Variants in TRIM9 observed in about 807,000 individuals in gnomAD.
TRIM9 encodes the protein E3 ubiquitin-protein ligase TRIM9.
TRIM9 carries 26 observed loss-of-function variants against 78.3 expected under a neutral mutation model. The ratio of observed to expected loss-of-function variants is 0.33; its 90% CI spans 0.24 to 0.46. The LOEUF (loss-of-function observed/expected upper bound fraction) is 0.46. TRIM9 is among the 20% of genes least tolerant of loss of function. TRIM9 has a pLI of 1.00. For missense variants in TRIM9, 787 were observed against 1,036.4 expected (o/e 0.76, Z 3.30); for synonymous variants, 398 against 416.5 (o/e 0.96, Z 0.54).
In TRIM9 at chr14:50,979,392, C is replaced by T. The variant is rs754566075; in HGVS notation, c.2320G>A (p.Val774Met). 19 of 1,614,076 alleles carry T rather than the reference C, an allele frequency of 1.2e-5. No individual in the cohort carries two copies. The highest frequency in any genetic ancestry group is 1.1e-4 in the African/African-American group (8 of 74,934). Reference sequence around the variant, plus strand: ...CTCAGGGGCAGGGTGCTTACCTGCACGTTCCTGTTCAGGCTGACCGCAGGG... The same window carrying T: ...CTCAGGGGCAGGGTGCTTACCTGCATGTTCCTGTTCAGGCTGACCGCAGGG... Reference protein sequence around the residue: ...FFPAVSLNRNVQVTLHTGLPV... With the variant: ...FFPAVSLNRNMQVTLHTGLPV... The change falls in exon 12 of 13, where the codon GTG (valine) becomes ATG (methionine). Residue 774 changes from valine (V) to methionine (M), a missense_variant. Transcript: ENST00000684578.
chr14:51,039,478 C>T (rs2059415004), intron 1 of TRIM9, among the ~76,000 whole-genome samples: 1 of 152,168 alleles, frequency 6.6e-6, no homozygotes, highest in Non-Finnish European at 1.5e-5. Context: ...GCTAATGATA[C>T]ATGCAAAATG....
chr14:51,056,504 A>G (rs2060909392), intron 1 of TRIM9, among the ~76,000 whole-genome samples: 1 of 152,168 alleles, frequency 6.6e-6, no homozygotes, highest in Admixed American at 6.5e-5. Flanking sequence ...TCTCAAATAT[A>G]AAACCTGACA....
intron 3 of TRIM9, among the ~76,000 whole-genome samples, chr14:51,017,785 T>G (rs142129131): frequency 6.6e-6 from 1 of 152,212 alleles, no homozygotes; most frequent in South Asian, 2.1e-4. Flanking sequence ...CTGACTTTGA[T>G]TGGCATTGCC....
Position 50,977,337 on chromosome 14 carries a change from C to T in TRIM9, c.2342G>A (p.Gly781Glu). The change falls in exon 13 of 13, where the codon GGG becomes GAG. Residue 781 changes from glycine (G) to glutamate (E), a missense_variant. Coordinates refer to ENST00000684578, the MANE Select transcript of TRIM9 (RefSeq NM_001387360.1). The stretch of plus-strand genomic sequence containing the variant: ...GGAGTAGAAGTCGGGGACTGGGAGC[C>T]CGGTGTGCAGCGTGACCTGGGGAAT... Reference protein sequence around the residue: ...NRNVQVTLHTGLPVPDFYSSR... With the variant: ...NRNVQVTLHTELPVPDFYSSR... 1 of 1,551,066 alleles carries T rather than the reference C, an allele frequency of 6.4e-7. No individual in the cohort carries two copies. Among genetic ancestry groups the T allele is most frequent in the Non-Finnish European group, 8.7e-7 (1 of 1,145,946 alleles).
chr14:51,090,173 A>G (rs959203703), intron 1 of TRIM9: 1 of 152,220 alleles, frequency 6.6e-6, no homozygotes, highest in Non-Finnish European at 1.5e-5. Context: ...GGCACACAGA[A>G]TGTTCTAATT....
At chr14:50,987,852 A>G (rs2052926824) in intron 7 of TRIM9, among the ~76,000 whole-genome samples, 1 of 152,160 alleles carries the variant, frequency 6.6e-6, no homozygotes, top group South Asian at 2.1e-4. Flanking sequence ...CCCAGGCCAG[A>G]ATGCAATGCC....
intron 1 of TRIM9, among the ~76,000 whole-genome samples, chr14:51,086,137 A>G (rs75924013): frequency 0.019 from 2,821 of 152,302 alleles, 89 homozygotes; most frequent in African/African-American, 0.061. Flanking sequence ...ATGTCATTGA[A>G]GTTTGTAAGT....
chr14:51,014,688 A>G (rs1811818867), intron 3 of TRIM9, among the ~76,000 whole-genome samples: 1 of 152,168 alleles, frequency 6.6e-6, no homozygotes, highest in African/African-American at 2.4e-5. Flanking sequence ...CTTACTTGCT[A>G]TCTTCTTCAA....
At chr14:51,087,140 G>C (rs2063834451) in intron 1 of TRIM9, among the ~76,000 whole-genome samples, 1 of 151,988 alleles carries the variant, frequency 6.6e-6, no homozygotes, top group African/African-American at 2.4e-5. Flanking sequence ...ATCTCAACTG[G>C]GTGTGGCCAG....
chr14:51,000,253 G>A (rs2054791471), intron 6 of TRIM9, among the ~76,000 whole-genome samples: 3 of 152,132 alleles, frequency 2.0e-5, no homozygotes, highest in African/African-American at 7.2e-5. Context: ...AATAATGAAC[G>A]CTTGCTATGT....
intron 1 of TRIM9, among the ~76,000 whole-genome samples, chr14:51,043,804 A>G (rs1227467670): frequency 6.6e-6 from 1 of 151,906 alleles, no homozygotes; most frequent in Non-Finnish European, 1.5e-5. Context: ...TCCTTTCCAA[A>G]GGCATAGGGC....
At position 50,979,514 on chromosome 14, in the gene TRIM9, C is replaced by G; in HGVS notation, c.2198G>C (p.Gly733Ala). Residue 733 changes from glycine to alanine, a missense_variant, in exon 12 of 13, where the codon GGG (glycine) becomes GCG (alanine). Gly to Ala is a moderately conservative substitution (Grantham distance 60). This residue lies in a region of TRIM9 where 421 missense variants were observed against 514.3 expected (regional missense o/e 0.82). Coordinates refer to ENST00000684578, the MANE Select transcript of TRIM9 (RefSeq NM_001387360.1). The part of the protein sequence containing the change: ...EGGITKGATI[G>A]VLLDLNRKNL... Reference sequence around the variant, plus strand: ...TTTTCTATTTAAGTCGAGGAGGACCCCAATTGTGGCCCCTTTTGTGATCCC... The same window carrying G: ...TTTTCTATTTAAGTCGAGGAGGACCGCAATTGTGGCCCCTTTTGTGATCCC... 12 of 1,614,134 alleles carry G rather than the reference C, an allele frequency of 7.4e-6. No individual in the cohort carries two copies. Among genetic ancestry groups the G allele is most frequent in the Non-Finnish European group, 1.0e-5 (12 of 1,180,016 alleles).
chr14:51,047,729 G>C (rs1038200221), intron 1 of TRIM9, among the ~76,000 whole-genome samples: 1 of 150,900 alleles, frequency 6.6e-6, no homozygotes, highest in African/African-American at 2.4e-5. Flanking sequence ...CCAATGAAGA[G>C]GTGCCAACCC....
At chr14:50,997,797 A>G in intron 7 of TRIM9, 1 of 1,372,826 alleles carries the variant, frequency 7.3e-7, no homozygotes, top group Non-Finnish European at 9.4e-7. Context: ...ACTGCAGCTT[A>G]TTTAGATTGT....
At chr14:51,031,807 C>T (rs1166645489) in intron 1 of TRIM9, among the ~76,000 whole-genome samples, 1 of 152,242 alleles carries the variant, frequency 6.6e-6, no homozygotes, top group East Asian at 1.9e-4. Flanking sequence ...GCTGACCCTT[C>T]AGCAGGCCAA....
intron 1 of TRIM9, among the ~76,000 whole-genome samples, chr14:51,027,751 CG>C (rs2058380991): frequency 6.6e-6 from 1 of 152,044 alleles, no homozygotes; most frequent in South Asian, 2.1e-4. Context: ...GAGGGAAAAA[CG>C]GTCTCATTTG....
At chr14:51,040,674 G>A (rs2139976077) in intron 1 of TRIM9, among the ~76,000 whole-genome samples, 1 of 152,320 alleles carries the variant, frequency 6.6e-6, no homozygotes, top group Middle Eastern at 3.4e-3. Context: ...GATGCCCTAA[G>A]TTTTTAAGAA....
chr14:51,050,320 C>T (rs978994011), intron 1 of TRIM9, among the ~76,000 whole-genome samples: 3 of 152,068 alleles, frequency 2.0e-5, no homozygotes, highest in African/African-American at 4.8e-5. Flanking sequence ...ATACTGTTCT[C>T]GTGGTAGTGA....
At chr14:51,060,682 T>C (rs918260138) in intron 1 of TRIM9, among the ~76,000 whole-genome samples, 2 of 152,164 alleles carry the variant, frequency 1.3e-5, no homozygotes, top group Admixed American at 6.5e-5. Context: ...TTAGCCAGGA[T>C]GGTCTCGATC....
Sources: allele counts gnomAD v4.1 joint callset (sites outside exome capture counted in the v4.1 genomes callset), GRCh38; gene constraint gnomAD v4.1.1; regional missense constraint gnomAD v4.1.1; transcripts MANE v1.5; gene names NCBI Gene and HGNC (gene_info 2026-07-23, HGNC 2026-07-21).